ALMS1: variants seen among roughly 807,000 people sequenced by gnomAD.
ALMS1 encodes the protein centrosome-associated protein ALMS1.
In ALMS1, 271 loss-of-function variants were observed where a neutral mutation model predicts 352.2. That is an observed-to-expected ratio of 0.77 (90% confidence interval 0.70 to 0.85). ALMS1 has a LOEUF of 0.85. Among genes scored for constraint, ALMS1 ranks in the 40% least tolerant of loss-of-function variants. The pLI is 0.00. For missense variants in ALMS1, 5,445 were observed against 4,870.7 expected (o/e 1.12, Z -3.51); for synonymous variants, 1,865 against 1,761.2 (o/e 1.06, Z -1.48).
intron 21 of ALMS1, among the ~76,000 whole-genome samples, chr2:73,607,654 A>T (rs1292899841): frequency 1.3e-5 from 2 of 151,092 alleles, no homozygotes; most frequent in African/African-American, 4.9e-5. Flanking sequence ...TATTATTATT[A>T]TTTTTGAGAT....
chr2:73,502,860 T>C (rs1448858235), intron 10 of ALMS1, among the ~76,000 whole-genome samples: 2 of 152,178 alleles, frequency 1.3e-5, no homozygotes, highest in African/African-American at 2.4e-5. Flanking sequence ...AGGGGAACAA[T>C]AACAAAGTTA....
At chr2:73,427,282 G>C (rs1197205015) in intron 6 of ALMS1, among the ~76,000 whole-genome samples, 2 of 152,162 alleles carry the variant, frequency 1.3e-5, no homozygotes, top group African/African-American at 4.8e-5. Context: ...CTTGAAAATT[G>C]TAAGACCCAT....
intron 7 of ALMS1, among the ~76,000 whole-genome samples, chr2:73,433,474 A>G (rs1671550722): frequency 6.6e-6 from 1 of 152,218 alleles, no homozygotes; most frequent in Non-Finnish European, 1.5e-5. Context: ...TGAGAGCACT[A>G]GAAGAATAGG....
intron 10 of ALMS1, among the ~76,000 whole-genome samples, chr2:73,503,613 C>T (rs1407542643): frequency 6.6e-6 from 1 of 152,092 alleles, no homozygotes; most frequent in African/African-American, 2.4e-5. Flanking sequence ...GGTATATAGC[C>T]AGTAATGGGA....
intron 10 of ALMS1, among the ~76,000 whole-genome samples, chr2:73,502,387 C>T (rs891833994): frequency 6.6e-6 from 1 of 152,072 alleles, no homozygotes; most frequent in African/African-American, 2.4e-5. Flanking sequence ...CTTTGCAGTT[C>T]TCATGCCTTT....
intron 1 of ALMS1, among the ~76,000 whole-genome samples, chr2:73,392,933 GT>G (rs1175181604): frequency 6.6e-6 from 1 of 152,170 alleles, no homozygotes; most frequent in Non-Finnish European, 1.5e-5. Flanking sequence ...GTTTTCCAAA[GT>G]GGCCTTCCTA....
At chr2:73,499,634 C>A (rs1267995812) in intron 10 of ALMS1, among the ~76,000 whole-genome samples, 1 of 152,150 alleles carries the variant, frequency 6.6e-6, no homozygotes, top group Non-Finnish European at 1.5e-5. Context: ...TCTGATATCT[C>A]TTTTATCCTA....
At chr2:73,399,164 TAGAC>T (rs1383761972) in intron 1 of ALMS1, among the ~76,000 whole-genome samples, 3 of 152,198 alleles carry the variant, frequency 2.0e-5, no homozygotes, top group Non-Finnish European at 2.9e-5. Flanking sequence ...ATTTTCTGTA[TAGAC>T]AGACAGTCAT....
Position 73,391,782 on chromosome 2 carries a change from A to G in ALMS1, c.324+5590A>G, listed in dbSNP as rs547923847. Among the ~76,000 whole-genome samples, 3 of 152,358 alleles carry G rather than the reference A, an allele frequency of 2.0e-5. No homozygotes were observed. In the East Asian group the frequency reaches 5.8e-4, roughly 29 times the overall value. The stretch of plus-strand genomic sequence containing the variant: ...ATTTATCAAACTTGACATCAATATT[A>G]TGCCATTTTCATAAAAGGTACTTGG... On this transcript the variant is annotated intron_variant, in intron 1 of 22. Transcript: ENST00000613296.
At chr2:73,569,849 A>G (rs1209510705) in intron 15 of ALMS1, among the ~76,000 whole-genome samples, 7 of 152,224 alleles carry the variant, frequency 4.6e-5, no homozygotes, top group Non-Finnish European at 1.0e-4. Flanking sequence ...AGTTATGTAT[A>G]CTTGTACTTC....
At chr2:73,391,294 C>CTTTTTTTTTT (rs397972016) in intron 1 of ALMS1, among the ~76,000 whole-genome samples, 2,747 of 114,780 alleles carry the variant, frequency 0.024, 556 homozygotes, top group African/African-American at 0.088. Flanking sequence ...ACGTTTTATT[C>CTTTTTTTTTT]TTTTTTTTTT....
intron 10 of ALMS1, among the ~76,000 whole-genome samples, chr2:73,514,831 C>A (rs76263753): frequency 0.011 from 1,748 of 152,252 alleles, 32 homozygotes; most frequent in African/African-American, 0.04. Flanking sequence ...TATTTCAGCA[C>A]TTTAAAGAGC....
At chr2:73,551,663 A>G (rs567973233) in intron 13 of ALMS1, among the ~76,000 whole-genome samples, 1 of 151,598 alleles carries the variant, frequency 6.6e-6, no homozygotes, top group Admixed American at 6.6e-5. Context: ...CTTGAACTCC[A>G]GACCTCAGAT....
rs772943318 is a variant in ALMS1 at position 73,453,004 on chromosome 2, A to C, written c.6477A>C (p.Arg2159Ser). Residue 2159 changes from arginine to serine, a missense_variant, in exon 8 of 23, where the codon AGA becomes AGC. Transcript: ENST00000613296. ...DIFYQKDLPD[R>S]HLTEDALKIS... ...TCTATCAAAAGGATTTGCCAGATAG[A>C]CATCTAACTGAAGATGCTCTAAAGA... 1 of 1,612,818 alleles carries C rather than the reference A, an allele frequency of 6.2e-7. No homozygotes were observed. Among genetic ancestry groups the C allele is most frequent in the Non-Finnish European group, 8.5e-7 (1 of 1,179,662 alleles).
At chr2:73,442,113 T>C (rs1393174978) in intron 7 of ALMS1, among the ~76,000 whole-genome samples, 1 of 152,128 alleles carries the variant, frequency 6.6e-6, no homozygotes, top group African/African-American at 2.4e-5. Flanking sequence ...TTATGTATTA[T>C]TATTATAATG....
chr2:73,525,728 G>A (rs1220862432), intron 11 of ALMS1, among the ~76,000 whole-genome samples: 1 of 151,962 alleles, frequency 6.6e-6, no homozygotes, highest in Non-Finnish European at 1.5e-5. Context: ...CTATTCGGTG[G>A]TTTGTCTCTT....
At chr2:73,387,950 G>A (rs1213440335) in intron 1 of ALMS1, among the ~76,000 whole-genome samples, 1 of 152,214 alleles carries the variant, frequency 6.6e-6, no homozygotes, top group African/African-American at 2.4e-5. Context: ...GATGTGAAAG[G>A]TGAAGTAGCC....
At chr2:73,418,109 A>G (rs2103698642) in intron 2 of ALMS1, among the ~76,000 whole-genome samples, 1 of 152,234 alleles carries the variant, frequency 6.6e-6, no homozygotes, top group South Asian at 2.1e-4. Flanking sequence ...TCATTTTTCT[A>G]GTTATTTTTA....
intron 9 of ALMS1, chr2:73,456,640 GAT>G (rs1672072881): frequency 6.6e-6 from 1 of 152,124 alleles, no homozygotes; most frequent in African/African-American, 2.4e-5. Flanking sequence ...ATTCTCCAGT[GAT>G]ATAGTTTATT....
Sources: allele counts gnomAD v4.1 joint callset (sites outside exome capture counted in the v4.1 genomes callset), GRCh38; gene constraint gnomAD v4.1.1; transcripts MANE v1.5; gene names NCBI Gene and HGNC (gene_info 2026-07-23, HGNC 2026-07-21).